RND3: variants seen among roughly 807,000 people sequenced by gnomAD.
The protein encoded by RND3 is Rho family GTPase 3.
Under a neutral mutation model 26.5 loss-of-function variants are expected in RND3, and 8 were observed. The ratio of observed to expected loss-of-function variants is 0.30; its 90% CI spans 0.18 to 0.54. The LOEUF (loss-of-function observed/expected upper bound fraction) is 0.54. Among genes scored for constraint, RND3 ranks in the 20% least tolerant of loss-of-function variants. RND3 has a pLI of 0.94. For missense variants in RND3, 207 were observed against 302.8 expected (o/e 0.68, Z 2.35); for synonymous variants, 113 against 113.0 (o/e 1.00, Z 0.00).
chr2:150,486,746 G>A lies in RND3; in HGVS notation c.186C>T (p.Ala62=), dbSNP rs772782300. The change falls in exon 3 of 6, where the codon GCC becomes GCT. Residue 62 remains alanine, a synonymous_variant. Transcript: ENST00000263895. This position sits in a 1 kb window ranked among gnomAD's most constrained non-coding sequence, Gnocchi z 4.5. ...YVPTVFENYT[A]SFEIDTQRIE... ...TTCTTTGTGTGTCGATTTCAAAACT[G>A]GCCGTGTAATTCTCAAACACTGTAG... 5.0e-6 allele frequency: 8 copies of A among 1,613,562 alleles called. No homozygotes were observed. The Admixed American group carries it at 6.7e-5, about 13-fold the overall frequency.
chr2:150,471,021 T>C (rs1686082070), intron 5 of RND3, among the ~76,000 whole-genome samples: 1 of 152,220 alleles, frequency 6.6e-6, no homozygotes, highest in Admixed American at 6.5e-5. Context: ...ACCACCAACG[T>C]ACACAACAAT....
intron 4 of RND3, among the ~76,000 whole-genome samples, chr2:150,472,545 C>A (rs1319204927): frequency 6.6e-6 from 1 of 152,168 alleles, no homozygotes; most frequent in Admixed American, 6.5e-5. Context: ...AACAAGCAAG[C>A]AGCTTTTTGT....
At chr2:150,475,039 T>C in intron 3 of RND3, 55 bp from the exon 4 acceptor site, 1 of 1,067,570 alleles carries the variant, frequency 9.4e-7, no homozygotes, top group Non-Finnish European at 1.5e-6. Context: ...TTGTCTGTCA[T>C]GCATTAACTC....
intron 3 of RND3, 76 bp from the exon 4 acceptor site, chr2:150,475,060 G>A (rs962973294): frequency 2.7e-5 from 23 of 854,728 alleles, no homozygotes; most frequent in Non-Finnish European, 3.9e-5. Flanking sequence ...TACCCTTTCC[G>A]GCTAAGTCCT....
intron 3 of RND3, among the ~76,000 whole-genome samples, chr2:150,476,933 T>C (rs1464799081): frequency 1.3e-5 from 2 of 152,228 alleles, no homozygotes; most frequent in Non-Finnish European, 2.9e-5. Context: ...TTCCTGTTTC[T>C]GTGTCCAAAG....
At chr2:150,487,160 C>CTTTT in intron 2 of RND3, 108 bp downstream of exon 2, 2 of 487,896 alleles carry the variant, frequency 4.1e-6, no homozygotes, top group Non-Finnish European at 6.2e-6. Context: ...TTTTTTTTTT[C>CTTTT]TTTTTTTTTT....
chr2:150,479,566 A>G (rs902732822), intron 3 of RND3, among the ~76,000 whole-genome samples: 2 of 152,242 alleles, frequency 1.3e-5, no homozygotes, highest in African/African-American at 4.8e-5. Context: ...TATTTTTGGC[A>G]GAGAAAAGTA....
chr2:150,477,333 T>C (rs1247086778), intron 3 of RND3, among the ~76,000 whole-genome samples: 1 of 152,170 alleles, frequency 6.6e-6, no homozygotes, highest in Non-Finnish European at 1.5e-5. Flanking sequence ...CCAGATGTAA[T>C]ACTGCTCTAT....
chr2:150,479,021 C>T (rs558193606), intron 3 of RND3, among the ~76,000 whole-genome samples: 17 of 152,134 alleles, frequency 1.1e-4, no homozygotes, highest in Admixed American at 5.2e-4. Context: ...ACTATATATG[C>T]AAAATGTGTA....
At position 150,470,231 on chromosome 2, in the gene RND3, T is replaced by C. The variant is rs1686064925; in HGVS notation, c.491A>G (p.Asn164Ser). 4 of 1,612,302 alleles carry C rather than the reference T, an allele frequency of 2.5e-6. No homozygotes were observed. The East Asian group carries it at 8.9e-5, about 36-fold the overall frequency. The change falls in exon 6 of 6, where the codon AAT becomes AGT. Residue 164 changes from asparagine to serine, a missense_variant. By Grantham distance (46) the Asn-to-Ser change is conservative. Transcript: ENST00000263895. ...QTPVSYDQGA[N>S]MAKQIGAATY... ...AGCTGCTCCAATCTGTTTGGCCATA[T>C]TTGCCCCCTGAGAAGCAAAAGAAGG...
chr2:150,477,516 C>A (rs1379126773), intron 3 of RND3, among the ~76,000 whole-genome samples: 1 of 152,104 alleles, frequency 6.6e-6, no homozygotes, highest in South Asian at 2.1e-4. Flanking sequence ...CCTTTGTGGA[C>A]TATGTTTCCC....
chr2:150,481,049 A>AT (rs1322290436), intron 3 of RND3, among the ~76,000 whole-genome samples: 1 of 152,244 alleles, frequency 6.6e-6, no homozygotes, highest in Non-Finnish European at 1.5e-5. Context: ...AATTTAAGTT[A>AT]TAATTCTCAG....
At chr2:150,474,806 C>A in intron 4 of RND3, 69 bp downstream of exon 4, 1 of 906,034 alleles carries the variant, frequency 1.1e-6, no homozygotes, top group Non-Finnish European at 1.8e-6. Flanking sequence ...TTGAGCTTCC[C>A]AACAAACCCC....
chr2:150,484,709 G>A (rs1293349445), intron 3 of RND3, among the ~76,000 whole-genome samples: 1 of 152,144 alleles, frequency 6.6e-6, no homozygotes. Context: ...GAGAGATCCT[G>A]CACATCATCT....
chr2:150,476,547 GAATA>G (rs1686170966), intron 3 of RND3, among the ~76,000 whole-genome samples: 1 of 152,208 alleles, frequency 6.6e-6, no homozygotes, highest in African/African-American at 2.4e-5. Context: ...AGAAAAGTGT[GAATA>G]AATAGAGAAT....
In RND3 at chr2:150,468,401, CT is replaced by C. The variant is rs1245024751; in HGVS notation, c.*1585del. ...AGCACTCGCCAGCTATTTTGTAATA[CT>C]GCCCAAAGCATAATGCTGCATCAAT... is the stretch of plus-strand genomic sequence containing the variant. On this transcript the variant is annotated 3_prime_UTR_variant, in exon 6 of 6. Coordinates refer to ENST00000263895, the MANE Select transcript of RND3 (RefSeq NM_005168.5). The C allele has an allele frequency of 6.6e-6, 1 of 152,588 alleles. No individual in the cohort carries two copies. Among genetic ancestry groups the C allele is most frequent in the East Asian group, 1.9e-4 (1 of 5,200 alleles). 9.5% of individuals were successfully genotyped at this position (152,588 alleles called of 1,614,324 possible). A position where few individuals can be genotyped will look rare whatever the true frequency, so the allele number is the denominator to read the frequency against.
At chr2:150,477,103 C>T (rs984862390) in intron 3 of RND3, among the ~76,000 whole-genome samples, 16 of 152,124 alleles carry the variant, frequency 1.1e-4, no homozygotes, top group Non-Finnish European at 1.9e-4. Context: ...TGATCCCAGA[C>T]CCAGGAAGGC....
chr2:150,470,281 G>A, intron 5 of RND3, 43 bp from the exon 6 acceptor site: 2 of 1,589,226 alleles, frequency 1.3e-6, no homozygotes, highest in Non-Finnish European at 1.7e-6. Context: ...ATAAGACTTT[G>A]GGGGAAAGTT....
chr2:150,474,972 T>TAGTAAGGAGAACCTGAGAAGAA lies in RND3; in HGVS notation c.239-10_250dup (p.Tyr84PhefsTer9), dbSNP rs1162884426. The TAGTAAGGAGAACCTGAGAAGAA allele has an allele frequency of 1.2e-6, 2 of 1,609,602 alleles. No individual in the cohort carries two copies. Among genetic ancestry groups the TAGTAAGGAGAACCTGAGAAGAA allele is most frequent in the Non-Finnish European group, 1.7e-6 (2 of 1,176,202 alleles). On this transcript the variant is annotated frameshift_variant, in exon 4 of 6. Transcript: ENST00000263895. LOFTEE classifies it high-confidence loss of function. The stretch of plus-strand genomic sequence containing the variant: ...GTAAGAGAGGGGGCGGACATTGTCA[T>TAGTAAGGAGAACCTGAGAAGAA]AGTAAGGAGAACCTGAGAAGAAACA...
Sources: gnomAD v4.1 joint callset for allele counts (sites outside exome capture counted in the v4.1 genomes callset) on GRCh38, gnomAD v4.1.1 for gene constraint, Gnocchi (gnomAD v3.1) non-coding constraint, MANE v1.5 for transcripts, NCBI Gene and HGNC (gene_info 2026-07-23, HGNC 2026-07-21) for gene names.